Variants in TMEM135 observed in about 807,000 individuals in gnomAD.
The protein encoded by TMEM135 is peroxisomal membrane protein 52.
In TMEM135, 30 loss-of-function variants were observed where a neutral mutation model predicts 60.3. That is an observed-to-expected ratio of 0.50 (90% CI 0.37 to 0.68). TMEM135 has a LOEUF of 0.68. Ranked by LOEUF, TMEM135 falls within the 30% of genes least tolerant of loss-of-function variation. The probability of loss-of-function intolerance (pLI) is 0.00; values close to 1 mark genes in which losing one functional copy is unlikely to be tolerated. For synonymous variants in TMEM135, 190 were observed against 186.7 expected, an observed-to-expected ratio of 1.02 and a Z score of -0.14; for missense variants, 468 against 548.8, an observed-to-expected ratio of 0.85 and a Z score of 1.47.
intron 4 of TMEM135, among the ~76,000 whole-genome samples, chr11:87,106,353 C>T (rs1395318430): frequency 4.6e-5 from 7 of 152,146 alleles, no homozygotes; most frequent in Admixed American, 4.6e-4. Flanking sequence ...ACCCATCCGC[C>T]TTAGCCTCTC....
intron 4 of TMEM135, among the ~76,000 whole-genome samples, chr11:87,147,524 T>A (rs1408411708): frequency 6.6e-6 from 1 of 152,112 alleles, no homozygotes; most frequent in Non-Finnish European, 1.5e-5. Context: ...ATTTTTATTA[T>A]TACCAAACAA....
At chr11:87,204,663 G>T (rs1262147894) in intron 5 of TMEM135, among the ~76,000 whole-genome samples, 1 of 152,150 alleles carries the variant, frequency 6.6e-6, no homozygotes, top group Non-Finnish European at 1.5e-5. Flanking sequence ...TATGTTTACT[G>T]TTCTTTAAGT....
chr11:87,220,565 A>G (rs559092872), intron 5 of TMEM135, among the ~76,000 whole-genome samples: 1 of 152,206 alleles, frequency 6.6e-6, no homozygotes, highest in Non-Finnish European at 1.5e-5. Flanking sequence ...CTACTCTGCT[A>G]AGATACTGCT....
intron 7 of TMEM135, among the ~76,000 whole-genome samples, chr11:87,301,946 C>T (rs1051730289): frequency 1.3e-5 from 2 of 152,134 alleles, no homozygotes; most frequent in Non-Finnish European, 2.9e-5. Flanking sequence ...CTGTACTGTC[C>T]TGTGTTTCCC....
chr11:87,135,447 C>T (rs935511453), intron 4 of TMEM135, among the ~76,000 whole-genome samples: 6 of 149,780 alleles, frequency 4.0e-5, no homozygotes, highest in African/African-American at 1.5e-4. Context: ...ATTATTTTTG[C>T]ATATAGTTAA....
chr11:87,038,012 T>TC lies in TMEM135; in HGVS notation c.-29dup, dbSNP rs997782451. 2 of 1,612,390 alleles carry TC rather than the reference T, an allele frequency of 1.2e-6. No individual in the cohort carries two copies. Among genetic ancestry groups the TC allele is most frequent in the Admixed American group, 1.7e-5 (1 of 60,008 alleles). On this transcript the variant is annotated 5_prime_UTR_variant, in exon 1 of 15. Transcript: ENST00000305494. ...GCCCCTCCCTGCAGGGCTCAGGCTC[T>TC]CCCCCTCCTGTCTTCTCCGCGCTGT...
At chr11:87,258,319 C>T (rs1941572141) in intron 6 of TMEM135, among the ~76,000 whole-genome samples, 2 of 152,164 alleles carry the variant, frequency 1.3e-5, no homozygotes, top group African/African-American at 4.8e-5. Flanking sequence ...AGCTCCTGCT[C>T]TGTCTTCCCC....
intron 1 of TMEM135, among the ~76,000 whole-genome samples, chr11:87,063,306 T>G (rs944107551): frequency 6.6e-6 from 1 of 152,194 alleles, no homozygotes; most frequent in Non-Finnish European, 1.5e-5. Context: ...ACCATAGTGG[T>G]ATGATGTGCC....
intron 5 of TMEM135, among the ~76,000 whole-genome samples, chr11:87,210,286 CAAA>C (rs1394960508): frequency 5.3e-5 from 8 of 151,914 alleles, no homozygotes; most frequent in African/African-American, 1.9e-4. Context: ...AATAAAGAAA[CAAA>C]AAGAAGATCC....
intron 5 of TMEM135, among the ~76,000 whole-genome samples, chr11:87,176,698 A>C (rs1349679215): frequency 6.6e-6 from 1 of 152,144 alleles, no homozygotes; most frequent in Admixed American, 6.6e-5. Context: ...GAATTTGATA[A>C]AAGTCTGGTT....
At chr11:87,278,886 A>G (rs970126890) in intron 6 of TMEM135, among the ~76,000 whole-genome samples, 2 of 152,096 alleles carry the variant, frequency 1.3e-5, no homozygotes, top group African/African-American at 2.4e-5. Flanking sequence ...GAACAGATGG[A>G]TCTGCTCTCT....
chr11:87,075,233 A>T (rs1201031111), intron 3 of TMEM135, among the ~76,000 whole-genome samples: 1 of 151,086 alleles, frequency 6.6e-6, no homozygotes, highest in African/African-American at 2.4e-5. Flanking sequence ...ATCTCTGTTC[A>T]CTGCAAGCTC....
intron 4 of TMEM135, among the ~76,000 whole-genome samples, chr11:87,103,020 G>T (rs188509413): frequency 3.7e-4 from 56 of 152,106 alleles, no homozygotes; most frequent in African/African-American, 1.3e-3. Context: ...ATATAAGTGA[G>T]ATCATGTGGT....
intron 5 of TMEM135, among the ~76,000 whole-genome samples, chr11:87,222,967 A>G (rs1940676424): frequency 1.3e-5 from 2 of 152,066 alleles, no homozygotes; most frequent in African/African-American, 4.8e-5. Context: ...TTGTCATGCT[A>G]ATTGGAGAGG....
intron 5 of TMEM135, among the ~76,000 whole-genome samples, chr11:87,161,041 A>G (rs1938858347): frequency 6.6e-6 from 1 of 152,140 alleles, no homozygotes; most frequent in Non-Finnish European, 1.5e-5. Flanking sequence ...TTGGGACCAC[A>G]TGCATCCACT....
chr11:87,077,368 ACC>A (rs1856896066), intron 3 of TMEM135, among the ~76,000 whole-genome samples: 2 of 152,370 alleles, frequency 1.3e-5, no homozygotes, highest in South Asian at 4.1e-4. Context: ...ATATGGATGT[ACC>A]AGAGTTTGTT....
intron 6 of TMEM135, among the ~76,000 whole-genome samples, chr11:87,251,104 G>A (rs1286761245): frequency 6.6e-6 from 1 of 152,184 alleles, no homozygotes; most frequent in Non-Finnish European, 1.5e-5. Flanking sequence ...TACTGAGGCT[G>A]AGGTTCTTTT....
chr11:87,040,340 GT>G, intron 1 of TMEM135, among the ~76,000 whole-genome samples: 1 of 152,194 alleles, frequency 6.6e-6, no homozygotes, highest in East Asian at 1.9e-4. Context: ...ATGCAAGGTG[GT>G]GTGGTGGAAA....
At chr11:87,307,862 C>T (rs1375846310) in intron 9 of TMEM135, among the ~76,000 whole-genome samples, 1 of 152,174 alleles carries the variant, frequency 6.6e-6, no homozygotes, top group Non-Finnish European at 1.5e-5. Context: ...ACTCCATTCA[C>T]ACTAACTTTT....
Sources: allele counts gnomAD v4.1 joint callset (sites outside exome capture counted in the v4.1 genomes callset), GRCh38; gene constraint gnomAD v4.1.1; transcripts MANE v1.5; gene names NCBI Gene and HGNC (gene_info 2026-07-23, HGNC 2026-07-21).